NEK1: variants seen among roughly 807,000 people sequenced by gnomAD.
NEK1 encodes the protein NIMA related kinase 1.
Under a neutral mutation model 182.1 loss-of-function variants are expected in NEK1, and 137 were observed. The observed-to-expected ratio is 0.75, with a 90% CI of 0.65 to 0.87. The LOEUF is 0.87. NEK1 is among the 40% of genes least tolerant of loss of function. The pLI is 0.00. For synonymous variants in NEK1, 513 were observed against 492.2 expected, an observed-to-expected ratio of 1.04 and a Z score of -0.56; for missense variants, 1,391 against 1,494.4, an observed-to-expected ratio of 0.93 and a Z score of 1.14.
chr4:169,483,364 C>T (rs1289101263), intron 23 of NEK1, among the ~76,000 whole-genome samples: 5 of 152,032 alleles, frequency 3.3e-5, no homozygotes, highest in Non-Finnish European at 7.4e-5. Flanking sequence ...CACAAAGACA[C>T]AAAATGAGCA....
intron 5 of NEK1, among the ~76,000 whole-genome samples, chr4:169,592,194 C>T (rs1487304714): frequency 5.3e-5 from 8 of 152,116 alleles, no homozygotes; most frequent in Admixed American, 3.9e-4. Flanking sequence ...TTTAAATTCA[C>T]ATACCATTTG....
intron 23 of NEK1, among the ~76,000 whole-genome samples, chr4:169,479,871 A>G (rs1222453796): frequency 6.6e-6 from 1 of 152,192 alleles, no homozygotes; most frequent in South Asian, 2.1e-4. Flanking sequence ...TCTAAAAGAA[A>G]TGCTTTTGTA....
rs1172227509 is a variant in NEK1, at chr4:169,396,376, A to AAAAAAT, written c.3848-1854_3848-1853insATTTTT. Among the ~76,000 whole-genome samples the AAAAAAT allele has an allele frequency of 8.9e-5, 13 of 145,424 alleles. No individual in the cohort carries two copies. In the East Asian group the frequency reaches 2.2e-3, roughly 25 times the overall value. On this transcript the variant is annotated intron_variant, in intron 35 of 35. Coordinates refer to ENST00000507142, the MANE Select transcript of NEK1 (RefSeq NM_001199397.3). Reference sequence around the variant, plus strand: ...GCAAGACTCCATCTCAAAAAAAAAAAAAAAAAAAAAAAAAAAAAAAGAAGA... The same window carrying AAAAAAT: ...GCAAGACTCCATCTCAAAAAAAAAAAAAAAATAAAAAAAAAAAAAAAAAAAAGAAGA...
chr4:169,494,855 T>C (rs1271392849), intron 23 of NEK1, among the ~76,000 whole-genome samples: 3 of 152,236 alleles, frequency 2.0e-5, no homozygotes, highest in East Asian at 1.9e-4. Flanking sequence ...CCAGTGATGA[T>C]GAGCATTTTT....
chr4:169,456,232 T>C (rs1742855523), intron 27 of NEK1, among the ~76,000 whole-genome samples: 1 of 151,966 alleles, frequency 6.6e-6, no homozygotes. Flanking sequence ...AAGACGGAAG[T>C]TTATAGCTAT....
intron 19 of NEK1, among the ~76,000 whole-genome samples, chr4:169,522,286 T>C (rs995668667): frequency 6.6e-6 from 1 of 152,222 alleles, no homozygotes; most frequent in African/African-American, 2.4e-5. Context: ...TAATTTAAGA[T>C]AATTGATTGT....
In NEK1 at chr4:169,589,648, T is replaced by G. The variant is rs1768108382; in HGVS notation, c.397-134A>C. The G allele has an allele frequency of 1.4e-5, 8 of 584,180 alleles. No individual in the cohort carries two copies. In the South Asian group the frequency reaches 1.9e-4, roughly 14 times the overall value. The allele number at this position is 584,180 out of a possible 1,614,324, so 36.2% of individuals were successfully genotyped here. A position where few individuals can be genotyped will look rare whatever the true frequency, so the allele number is the denominator to read the frequency against. On this transcript the variant is annotated intron_variant, in intron 6 of 35. Transcript: ENST00000507142. The stretch of plus-strand genomic sequence containing the variant: ...AACTGGATATTCACATACAAAAGAA[T>G]AAATGAAGTCCCCTACCTCAAATCA...
At chr4:169,571,167 A>G (rs577041548) in intron 12 of NEK1, among the ~76,000 whole-genome samples, 19 of 142,166 alleles carry the variant, frequency 1.3e-4, no homozygotes, top group African/African-American at 4.6e-4. Flanking sequence ...ACACCCAAGA[A>G]TGATCAATAA....
rs748009953 is a variant in NEK1, at chr4:169,555,975, C to T, written c.1387G>A (p.Ala463Thr). The T allele has an allele frequency of 2.2e-5, 35 of 1,613,568 alleles. No individual in the cohort carries two copies. In the African/African-American group the frequency reaches 4.5e-4, roughly 21 times the overall value. ...MQQQRAEDNE[A>T]KWKREIYGRG... ...CCATATATTTCTCTTTTCCATTTAGCTTCATTATCTTCTGCTCTTTGTTGC... is the reference window on the plus strand; with the variant it reads ...CCATATATTTCTCTTTTCCATTTAGTTTCATTATCTTCTGCTCTTTGTTGC... Residue 463 changes from alanine (A) to threonine (T), a missense_variant, in exon 17 of 36, where the codon GCT (alanine) becomes ACT (threonine). Around this residue, in one of 5 missense-constraint regions of NEK1, gnomAD observed 1,216 missense variants for 1,277.6 expected, o/e 0.95. Coordinates refer to ENST00000507142, the MANE Select transcript of NEK1 (RefSeq NM_001199397.3).
At chr4:169,448,753 G>A (rs1384344205) in intron 27 of NEK1, among the ~76,000 whole-genome samples, 1 of 152,202 alleles carries the variant, frequency 6.6e-6, no homozygotes, top group Non-Finnish European at 1.5e-5. Flanking sequence ...GAGAAGATGG[G>A]TGATTTCTGC....
intron 33 of NEK1, among the ~76,000 whole-genome samples, chr4:169,400,951 C>A (rs1731574818): frequency 6.6e-6 from 1 of 151,682 alleles, no homozygotes; most frequent in African/African-American, 2.4e-5. Context: ...AGCACACCTC[C>A]ATGTTTTGCT....
chr4:169,445,108 G>A (rs529822729), intron 27 of NEK1, among the ~76,000 whole-genome samples: 2 of 151,828 alleles, frequency 1.3e-5, no homozygotes, highest in Admixed American at 6.6e-5. Context: ...AAGCAGTGCT[G>A]AGAGTTTATA....
At chr4:169,522,237 A>G (rs1302941802) in intron 19 of NEK1, among the ~76,000 whole-genome samples, 1 of 152,026 alleles carries the variant, frequency 6.6e-6, no homozygotes, top group Non-Finnish European at 1.5e-5. Flanking sequence ...TAAAACTTCT[A>G]TTTGTTTGCT....
chr4:169,523,618 A>G (rs887529420), intron 19 of NEK1, among the ~76,000 whole-genome samples: 1 of 152,208 alleles, frequency 6.6e-6, no homozygotes, highest in Non-Finnish European at 1.5e-5. Context: ...CTCTGAGATA[A>G]TAAATTTGTG....
chr4:169,407,376 C>T (rs1732832996), intron 31 of NEK1, among the ~76,000 whole-genome samples: 1 of 152,170 alleles, frequency 6.6e-6, no homozygotes, highest in African/African-American at 2.4e-5. Flanking sequence ...TGAGGGGCCT[C>T]AAATCAGTGC....
intron 19 of NEK1, among the ~76,000 whole-genome samples, chr4:169,525,349 C>T (rs756106860): frequency 3.3e-5 from 5 of 152,002 alleles, no homozygotes; most frequent in Non-Finnish European, 5.9e-5. Context: ...AGGCGGGTCT[C>T]GAACTCCTGA....
rs1284570296 is a variant in NEK1 at position 169,393,023 on chromosome 4, G to A, written c.*1487C>T. 2 of 152,024 alleles carry A rather than the reference G, an allele frequency of 1.3e-5. No individual in the cohort carries two copies. Among genetic ancestry groups the A allele is most frequent in the Middle Eastern group, 3.4e-3 (1 of 294 alleles). 9.4% of individuals were successfully genotyped at this position (152,024 alleles called of 1,614,324 possible). ...ACATATATAACATCTTTTGAAATAT[G>A]GCTAAAACAATTTTTTTCTACCATA... On this transcript the variant is annotated 3_prime_UTR_variant, in exon 36 of 36. Coordinates refer to ENST00000507142, the MANE Select transcript of NEK1 (RefSeq NM_001199397.3).
chr4:169,521,392 T>A (rs1756004949), intron 19 of NEK1, among the ~76,000 whole-genome samples: 1 of 143,600 alleles, frequency 7.0e-6, no homozygotes, highest in African/African-American at 2.6e-5. Context: ...CACACTGGCC[T>A]GCGCCCACTG....
chr4:169,401,528 C>A, intron 33 of NEK1, 124 bp downstream of exon 33: 3 of 651,326 alleles, frequency 4.6e-6, no homozygotes, highest in Non-Finnish European at 4.9e-6. Context: ...GGGGAGAGAC[C>A]CAGAGGCATG....
Sources: allele counts gnomAD v4.1 joint callset (sites outside exome capture counted in the v4.1 genomes callset), GRCh38; gene constraint gnomAD v4.1.1; regional missense constraint gnomAD v4.1.1; transcripts MANE v1.5; gene names NCBI Gene and HGNC (gene_info 2026-07-23, HGNC 2026-07-21).